BCKDHB: variants seen among roughly 807,000 people sequenced by gnomAD.
BCKDHB encodes 2-oxoisovalerate dehydrogenase subunit beta, mitochondrial.
Under a neutral mutation model 48.5 loss-of-function variants are expected in BCKDHB, and 41 were observed. The observed-to-expected ratio is 0.85, with a 90% confidence interval of 0.66 to 1.10. BCKDHB has a LOEUF of 1.10. Among genes scored for constraint, BCKDHB ranks in the 50% least tolerant of loss-of-function variants. The pLI is 0.00. For synonymous variants in BCKDHB, 201 were observed against 174.8 expected, an observed-to-expected ratio of 1.15 and a Z score of -1.18; for missense variants, 496 against 494.2, an observed-to-expected ratio of 1.00 and a Z score of -0.03.
chr6:80,399,606 A>G, the BCKDHB span, among the ~76,000 whole-genome samples: 3 of 152,130 alleles, frequency 2.0e-5, no homozygotes, highest in African/African-American at 7.2e-5. Context: ...AAGACACAAC[A>G]AAGTATAAAA....
At chr6:80,451,211 C>T in the BCKDHB span, among the ~76,000 whole-genome samples, 1 of 152,046 alleles carries the variant, frequency 6.6e-6, no homozygotes. Flanking sequence ...AAATTTTGGT[C>T]TCATTATATT....
chr6:80,446,574 C>G, the BCKDHB span, among the ~76,000 whole-genome samples: 1 of 152,058 alleles, frequency 6.6e-6, no homozygotes. Flanking sequence ...AGGCCCATTA[C>G]CTCCTACTCC....
At chr6:80,161,501 C>G (rs1772317147) in intron 3 of BCKDHB, among the ~76,000 whole-genome samples, 1 of 152,140 alleles carries the variant, frequency 6.6e-6, no homozygotes, top group Non-Finnish European at 1.5e-5. Flanking sequence ...TTTATCCTTT[C>G]AAACTAAAAA....
At chr6:80,373,936 T>G in the BCKDHB span, 1 of 471,124 alleles carries the variant, frequency 2.1e-6, no homozygotes, top group Non-Finnish European at 4.0e-6. Context: ...AGCAGATATT[T>G]GTTTGCTGAA....
At chr6:80,111,405 G>A (rs570095804) in intron 1 of BCKDHB, among the ~76,000 whole-genome samples, 13 of 152,294 alleles carry the variant, frequency 8.5e-5, no homozygotes, top group African/African-American at 3.1e-4. Flanking sequence ...TGGGAGCAGG[G>A]CCAGTCAATC....
At chr6:80,260,832 G>T (rs1158275385) in intron 8 of BCKDHB, among the ~76,000 whole-genome samples, 1 of 152,154 alleles carries the variant, frequency 6.6e-6, no homozygotes, top group Non-Finnish European at 1.5e-5. Flanking sequence ...GTATAATTTT[G>T]TGGGCAAAGA....
the BCKDHB span, among the ~76,000 whole-genome samples, chr6:80,401,248 T>G: frequency 4.6e-5 from 7 of 151,868 alleles, no homozygotes; most frequent in Admixed American, 2.6e-4. Context: ...ATAAATAACT[T>G]TATTGGGGTA....
At position 80,203,223 on chromosome 6, in the gene BCKDHB, A is replaced by C; in HGVS notation, c.951+11A>C. ...GACACAATTTGTAAGGTATGAATAT[A>C]ATGGTGATAGAATGTCATTTCCCTG... On this transcript the variant is annotated intron_variant, in intron 8 of 9. Coordinates refer to ENST00000320393, the MANE Select transcript of BCKDHB (RefSeq NM_183050.4). The C allele has an allele frequency of 1.3e-6, 2 of 1,533,858 alleles. No individual in the cohort carries two copies. Among genetic ancestry groups the C allele is most frequent in the Non-Finnish European group, 9.0e-7 (1 of 1,107,316 alleles).
intron 8 of BCKDHB, among the ~76,000 whole-genome samples, chr6:80,220,532 G>T (rs542347627): frequency 2.0e-5 from 3 of 148,470 alleles, no homozygotes; most frequent in Non-Finnish European, 4.5e-5. Context: ...TATGGAAAAA[G>T]TTGCATAGAT....
intron 8 of BCKDHB, among the ~76,000 whole-genome samples, chr6:80,242,443 CTCT>C (rs1377253133): frequency 6.6e-6 from 1 of 152,078 alleles, no homozygotes; most frequent in African/African-American, 2.4e-5. Flanking sequence ...CCCGAACTTG[CTCT>C]TCTTCAGTTA....
chr6:80,386,106 A>T, the BCKDHB span, among the ~76,000 whole-genome samples: 1 of 152,320 alleles, frequency 6.6e-6, no homozygotes, highest in Middle Eastern at 3.4e-3. Context: ...TAGTCACTTT[A>T]GACAGACTCA....
intron 8 of BCKDHB, among the ~76,000 whole-genome samples, chr6:80,214,443 A>G (rs1397278723): frequency 6.6e-6 from 1 of 152,242 alleles, no homozygotes; most frequent in Non-Finnish European, 1.5e-5. Flanking sequence ...AAAATTGGTT[A>G]CTTGAACTTA....
chr6:80,313,662 G>A (rs2127998165), intron 9 of BCKDHB, among the ~76,000 whole-genome samples: 1 of 152,228 alleles, frequency 6.6e-6, no homozygotes, highest in South Asian at 2.1e-4. Flanking sequence ...CACCTGGCCT[G>A]AGCCACCGCG....
chr6:80,327,031 C>G (rs988886784), intron 9 of BCKDHB, among the ~76,000 whole-genome samples: 1 of 152,062 alleles, frequency 6.6e-6, no homozygotes, highest in Non-Finnish European at 1.5e-5. Context: ...TAGCAAGGTA[C>G]TCTTTTTAAC....
chr6:80,266,651 G>A (rs1428299039), intron 8 of BCKDHB, among the ~76,000 whole-genome samples: 2 of 151,994 alleles, frequency 1.3e-5, no homozygotes, highest in Non-Finnish European at 2.9e-5. Context: ...GTCTGGAATA[G>A]GAAAAAATAG....
chr6:80,234,735 TC>T (rs1345555507), intron 8 of BCKDHB, among the ~76,000 whole-genome samples: 2 of 152,070 alleles, frequency 1.3e-5, no homozygotes, highest in Non-Finnish European at 2.9e-5. Context: ...ATATCTCTGC[TC>T]CCATGTGTGT....
chr6:80,181,030 C>G (rs1225928205), intron 6 of BCKDHB, among the ~76,000 whole-genome samples: 1 of 152,148 alleles, frequency 6.6e-6, no homozygotes, highest in Non-Finnish European at 1.5e-5. Flanking sequence ...ATCCAAGCAT[C>G]TTTCCCCACA....
At chr6:80,336,719 T>C (rs527446287) in intron 9 of BCKDHB, among the ~76,000 whole-genome samples, 112 of 152,146 alleles carry the variant, frequency 7.4e-4, no homozygotes, top group Non-Finnish European at 1.4e-3. Flanking sequence ...CTGGATGAAA[T>C]TATATTATTT....
At chr6:80,307,742 GATTT>G in intron 9 of BCKDHB, 1 of 981,934 alleles carries the variant, frequency 1.0e-6, no homozygotes, top group South Asian at 4.7e-5. Context: ...CATATTGTCA[GATTT>G]ATTTTAGTAG....
Sources: gnomAD v4.1 joint callset for allele counts (sites outside exome capture counted in the v4.1 genomes callset) on GRCh38, gnomAD v4.1.1 for gene constraint, MANE v1.5 for transcripts, NCBI Gene and HGNC (gene_info 2026-07-23, HGNC 2026-07-21) for gene names.